Variants in SLC49A4 observed in about 807,000 individuals in gnomAD.
SLC49A4 encodes solute carrier family 49 member 4, also known as disrupted in renal cancer protein 2.
Under a neutral mutation model 50.6 loss-of-function variants are expected in SLC49A4, and 36 were observed. The observed-to-expected ratio is 0.71, with a 90% CI of 0.55 to 0.94. The LOEUF (loss-of-function observed/expected upper bound fraction) is 0.94. Among genes scored for constraint, SLC49A4 ranks in the 40% least tolerant of loss-of-function variants. The pLI, the probability that SLC49A4 is intolerant of heterozygous loss-of-function variation, is 0.00. For missense variants in SLC49A4, 503 were observed against 605.7 expected (o/e 0.83, Z 1.78); for synonymous variants, 248 against 241.2 (o/e 1.03, Z -0.26).
At chr3:122,868,887 C>T (rs558366393) in intron 7 of SLC49A4, among the ~76,000 whole-genome samples, 5 of 152,076 alleles carry the variant, frequency 3.3e-5, no homozygotes, top group African/African-American at 4.8e-5. Flanking sequence ...TTATATCATC[C>T]GTTTATCCTA....
At chr3:122,822,882 G>C (rs1936473287) in intron 2 of SLC49A4, among the ~76,000 whole-genome samples, 1 of 152,160 alleles carries the variant, frequency 6.6e-6, no homozygotes, top group African/African-American at 2.4e-5. Context: ...TTTGCACAGA[G>C]TTATGGGTGC....
Position 122,825,053 on chromosome 3 carries a change from A to C in SLC49A4, c.438-1747A>C, listed in dbSNP as rs554596121. Among the ~76,000 whole-genome samples the C allele has an allele frequency of 1.1e-4, 17 of 151,942 alleles. No individual in the cohort carries two copies. The East Asian group carries it at 3.1e-3, about 28-fold the overall frequency. ...CAGCCAGGAGTCCTGCTTTCTTATCAGTCTTTTTGTTTGTTTGTTTTTGAT... is the reference window on the plus strand; with the variant it reads ...CAGCCAGGAGTCCTGCTTTCTTATCCGTCTTTTTGTTTGTTTGTTTTTGAT... On this transcript the variant is annotated intron_variant, in intron 2 of 8. Transcript: ENST00000261038.
intron 8 of SLC49A4, among the ~76,000 whole-genome samples, chr3:122,875,246 C>G (rs113414827): frequency 0.015 from 2,353 of 152,270 alleles, 73 homozygotes; most frequent in African/African-American, 0.054. Context: ...TCCATTAAAG[C>G]CAGTGTTCAT....
At chr3:122,869,220 G>C (rs1937161878) in intron 7 of SLC49A4, among the ~76,000 whole-genome samples, 1 of 141,090 alleles carries the variant, frequency 7.1e-6, no homozygotes, top group African/African-American at 2.5e-5. Flanking sequence ...CTACTCTCCT[G>C]TGACCCCCCC....
At chr3:122,864,907 G>C (rs35341921) in intron 7 of SLC49A4, among the ~76,000 whole-genome samples, 2 of 152,166 alleles carry the variant, frequency 1.3e-5, no homozygotes, top group Non-Finnish European at 2.9e-5. Flanking sequence ...CAGCTATTCA[G>C]GGGGCTGAGG....
intron 5 of SLC49A4, among the ~76,000 whole-genome samples, chr3:122,854,134 T>C (rs1208451592): frequency 6.6e-6 from 1 of 152,160 alleles, no homozygotes; most frequent in East Asian, 1.9e-4. Context: ...GGATTATAGA[T>C]ACCAGATGTG....
intron 7 of SLC49A4, among the ~76,000 whole-genome samples, chr3:122,870,671 G>C (rs1269754655): frequency 6.6e-6 from 1 of 151,432 alleles, no homozygotes; most frequent in Non-Finnish European, 1.5e-5. Context: ...AATTTAGCTT[G>C]GCATGGTGGC....
chr3:122,803,648 G>T (rs1004694589), intron 1 of SLC49A4, among the ~76,000 whole-genome samples: 1 of 152,132 alleles, frequency 6.6e-6, no homozygotes, highest in Non-Finnish European at 1.5e-5. Context: ...GCCACGGGAG[G>T]GTGGTCTTAC....
chr3:122,807,111 A>G (rs1324407928), intron 2 of SLC49A4, among the ~76,000 whole-genome samples, 161 bp downstream of exon 2: 1 of 152,134 alleles, frequency 6.6e-6, no homozygotes, highest in African/African-American at 2.4e-5. Flanking sequence ...GGAAGACACT[A>G]GTTGTTGTGG....
At chr3:122,850,715 A>G (rs1003793215) in intron 5 of SLC49A4, among the ~76,000 whole-genome samples, 4 of 152,102 alleles carry the variant, frequency 2.6e-5, no homozygotes, top group African/African-American at 9.7e-5. Flanking sequence ...TATGTTTCCC[A>G]GGCTGGTCTG....
At chr3:122,806,704 C>T (rs1244320965) in intron 1 of SLC49A4, among the ~76,000 whole-genome samples, 153 bp from the exon 2 acceptor site, 9 of 142,080 alleles carry the variant, frequency 6.3e-5, no homozygotes, top group South Asian at 4.3e-4. Flanking sequence ...ATGTAGGGTT[C>T]GTTGTTTTTT....
chr3:122,878,315 G>A lies in SLC49A4; in HGVS notation c.1322-948G>A, dbSNP rs187533948. ...GCTGAATGGATATTAAACTAGAAAC[G>A]TTGTCCCCACCACCTTCACCAACCT... On this transcript the variant is annotated intron_variant, in intron 8 of 8. Transcript: ENST00000261038. Among the ~76,000 whole-genome samples, 19 of 152,270 alleles carry A rather than the reference G, an allele frequency of 1.2e-4. No individual in the cohort carries two copies. In the East Asian group the frequency reaches 2.3e-3, roughly 19 times the overall value.
At chr3:122,799,601 C>T (rs569544598) in intron 1 of SLC49A4, among the ~76,000 whole-genome samples, 45 of 152,292 alleles carry the variant, frequency 3.0e-4, no homozygotes, top group Non-Finnish European at 6.2e-4. Flanking sequence ...GAGGAGGGCT[C>T]ACTCCATTGA....
intron 7 of SLC49A4, among the ~76,000 whole-genome samples, chr3:122,866,105 C>T (rs939458562): frequency 2.0e-5 from 3 of 152,072 alleles, no homozygotes; most frequent in Non-Finnish European, 4.4e-5. Flanking sequence ...GACCTTGGCT[C>T]ACAGCACCCT....
At chr3:122,845,991 T>C in intron 5 of SLC49A4, 120 bp downstream of exon 5, 1 of 518,380 alleles carries the variant, frequency 1.9e-6, no homozygotes, top group Non-Finnish European at 3.1e-6. Flanking sequence ...TATACCATTG[T>C]TGCAAAAGCA....
chr3:122,826,943 G>C lies in SLC49A4; in HGVS notation c.581G>C (p.Gly194Ala). The C allele has an allele frequency of 6.2e-7, 1 of 1,614,214 alleles. No individual in the cohort carries two copies. Among genetic ancestry groups the C allele is most frequent in the Non-Finnish European group, 8.5e-7 (1 of 1,180,026 alleles). Reference protein sequence around the residue: ...AIASMLSYLGGACAFLVGPLV... With the variant: ...AIASMLSYLGAACAFLVGPLV... ...GCATCAATGCTCAGTTATCTTGGGG[G>C]AGCATGTGCATTTTTAGTTGGACCA... The change falls in exon 3 of 9, where the codon GGA becomes GCA. Residue 194 changes from glycine to alanine, a missense_variant. Gly to Ala is a moderately conservative substitution (Grantham distance 60). Coordinates refer to ENST00000261038, the MANE Select transcript of SLC49A4 (RefSeq NM_032839.3).
chr3:122,858,794 A>G (rs1937021952), intron 6 of SLC49A4, among the ~76,000 whole-genome samples: 1 of 152,194 alleles, frequency 6.6e-6, no homozygotes, highest in East Asian at 1.9e-4. Flanking sequence ...GGACAGAATA[A>G]ATTGTGCAGC....
intron 2 of SLC49A4, among the ~76,000 whole-genome samples, chr3:122,821,514 CT>C (rs1360281343): frequency 6.6e-6 from 1 of 152,182 alleles, no homozygotes; most frequent in Non-Finnish European, 1.5e-5. Context: ...ACAGCTTGAC[CT>C]GCAGAGGTGC....
intron 4 of SLC49A4, among the ~76,000 whole-genome samples, chr3:122,842,149 A>G (rs1936779449): frequency 6.6e-6 from 1 of 151,932 alleles, no homozygotes; most frequent in South Asian, 2.1e-4. Context: ...TTCTTTAGGA[A>G]ATGAGTCACT....
Sources: allele counts gnomAD v4.1 joint callset (sites outside exome capture counted in the v4.1 genomes callset), GRCh38; gene constraint gnomAD v4.1.1; transcripts MANE v1.5; gene names NCBI Gene and HGNC (gene_info 2026-07-23, HGNC 2026-07-21).